Variants in TRDN observed in about 807,000 individuals in gnomAD.
TRDN encodes triadin, also known as triadin in skeletal muscle.
TRDN carries 161 observed loss-of-function variants against 149.7 expected under a neutral mutation model. That is an observed-to-expected ratio of 1.08 (90% CI 0.95 to 1.23). The LOEUF (loss-of-function observed/expected upper bound fraction) is 1.23. Ranked by LOEUF, TRDN falls within the 50% of genes most tolerant of loss-of-function variation. The pLI is 0.00. For missense variants in TRDN, 896 were observed against 823.5 expected, an observed-to-expected ratio of 1.09 and a Z score of -1.08; for synonymous variants, 294 against 250.5, an observed-to-expected ratio of 1.17 and a Z score of -1.64.
chr6:123,374,605 C>T (rs915800333), intron 19 of TRDN, among the ~76,000 whole-genome samples: 16 of 151,918 alleles, frequency 1.1e-4, no homozygotes, highest in African/African-American at 3.9e-4. Context: ...TATCAAGCTA[C>T]TCAATATATT....
chr6:123,614,433 C>T (rs1784984676), intron 1 of TRDN, among the ~76,000 whole-genome samples: 1 of 150,774 alleles, frequency 6.6e-6, no homozygotes, highest in Admixed American at 6.6e-5. Flanking sequence ...AAACTAGCTA[C>T]TGACTTTAAG....
Position 123,616,392 on chromosome 6 carries a change from CAA to C in TRDN, c.22+20360_22+20361del, listed in dbSNP as rs71856854. On this transcript the variant is annotated intron_variant, in intron 1 of 40. Transcript: ENST00000334268. ...TTACATTATTTATAAAGCAGGTTTGCAAAAAAAAAAAAATCAAATGTTTTCTT... is the reference window on the plus strand; with the variant it reads ...TTACATTATTTATAAAGCAGGTTTGCAAAAAAAAAAATCAAATGTTTTCTT... Among the ~76,000 whole-genome samples the C allele has an allele frequency of 3.5e-3, 472 of 135,356 alleles. 2 individuals carry two copies. Among genetic ancestry groups the C allele is most frequent in the African/African-American group, 0.011 (416 of 38,132 alleles). 88.8% of individuals were successfully genotyped at this position (135,356 alleles called of 152,430 possible). A position where few individuals can be genotyped will look rare whatever the true frequency, so the allele number is the denominator to read the frequency against.
At chr6:123,401,190 T>C (rs1410739730) in intron 12 of TRDN, among the ~76,000 whole-genome samples, 1 of 152,196 alleles carries the variant, frequency 6.6e-6, no homozygotes, top group East Asian at 1.9e-4. Flanking sequence ...TCTAAAGATG[T>C]TATAATCATA....
At chr6:123,399,116 T>G (rs982691907) in intron 12 of TRDN, among the ~76,000 whole-genome samples, 1 of 152,198 alleles carries the variant, frequency 6.6e-6, no homozygotes, top group African/African-American at 2.4e-5. Context: ...ATCGCTTCCA[T>G]TTAACTCATC....
rs138912040 is a variant in TRDN, at chr6:123,503,762, C to A, written c.750G>T (p.Lys250Asn). 6.2e-7 allele frequency: 1 copy of A among 1,613,640 alleles called. No individual in the cohort carries two copies. Among genetic ancestry groups the A allele is most frequent in the Non-Finnish European group, 8.5e-7 (1 of 1,179,776 alleles). The change falls in exon 8 of 41, where the codon AAG becomes AAT. Residue 250 changes from lysine (K) to asparagine (N), a missense_variant. By Grantham distance (94) the Lys-to-Asn change is moderately conservative. Transcript: ENST00000334268. ...VQKTPSKPKE[K>N]EDKEKAAVSK... ...ACACAGCTGCTTTCTCTTTGTCCTC[C>A]TTTTCTTTGGGTTTTGATGGTGTTT...
chr6:123,480,230 C>T (rs185796354), intron 9 of TRDN, among the ~76,000 whole-genome samples: 35 of 139,390 alleles, frequency 2.5e-4, no homozygotes, highest in African/African-American at 8.8e-4. Context: ...ACTTTCATAA[C>T]AGAGTGACAC....
chr6:123,351,155 A>G (rs1288435267), intron 21 of TRDN: 1 of 984,430 alleles, frequency 1.0e-6, no homozygotes, highest in African/African-American at 1.7e-5. Context: ...ATAAAACTCA[A>G]TGAAATCAAA....
chr6:123,426,083 T>C (rs1031709132), intron 12 of TRDN, among the ~76,000 whole-genome samples: 5 of 152,052 alleles, frequency 3.3e-5, no homozygotes, highest in African/African-American at 1.2e-4. Context: ...GGATTTTTCA[T>C]AGAAGTATGA....
chr6:123,411,335 G>A lies in TRDN; in HGVS notation c.1052-17658C>T, dbSNP rs148377825. On this transcript the variant is annotated intron_variant, in intron 12 of 40. Transcript: ENST00000334268. ...GCTGGGATTAGAAGCATGAGCCACC[G>A]CACCCAGCCTGAATAACTACTTTCT... Among the ~76,000 whole-genome samples the A allele has an allele frequency of 5.7e-3, 872 of 152,124 alleles. 10 individuals are homozygous for A. The highest frequency in any genetic ancestry group is 0.02 in the African/African-American group (816 of 41,508).
chr6:123,447,065 T>C (rs7760517), intron 10 of TRDN, among the ~76,000 whole-genome samples: 22,921 of 152,198 alleles, frequency 0.15, 2,462 homozygotes, highest in African/African-American at 0.31. Flanking sequence ...ACTTGAGTTA[T>C]GTGGCATAAC....
At chr6:123,307,012 G>A (rs1778635592) in intron 24 of TRDN, among the ~76,000 whole-genome samples, 1 of 152,078 alleles carries the variant, frequency 6.6e-6, no homozygotes, top group African/African-American at 2.4e-5. Context: ...TTTAACCGTT[G>A]CTGGTTAAAT....
intron 9 of TRDN, among the ~76,000 whole-genome samples, chr6:123,479,031 T>C (rs1777625631): frequency 6.6e-6 from 1 of 152,184 alleles, no homozygotes; most frequent in South Asian, 2.1e-4. Context: ...AAGAGCATTA[T>C]TAAAAGTGAA....
intron 4 of TRDN, among the ~76,000 whole-genome samples, chr6:123,541,649 A>G (rs1220397569): frequency 2.0e-5 from 3 of 152,132 alleles, no homozygotes; most frequent in African/African-American, 7.2e-5. Flanking sequence ...AGTTATGGAG[A>G]TGAGCTTTGA....
At chr6:123,323,212 A>G (rs973495334) in intron 23 of TRDN, among the ~76,000 whole-genome samples, 19 of 152,110 alleles carry the variant, frequency 1.2e-4, no homozygotes, top group Non-Finnish European at 2.8e-4. Flanking sequence ...ATTAGAACTG[A>G]CTCACTAGAC....
At chr6:123,479,762 A>C (rs1179464919) in intron 9 of TRDN, among the ~76,000 whole-genome samples, 1 of 152,192 alleles carries the variant, frequency 6.6e-6, no homozygotes, top group Non-Finnish European at 1.5e-5. Flanking sequence ...AAAGTGCAAA[A>C]CAATTTCAAT....
rs74414725 is a variant in TRDN at position 123,412,586 on chromosome 6, G to A, written c.1052-18909C>T. ...AATTTCATTGTGGTATAGCTGCCTGGTGAGATTATGAATACTCTTCTGGGT... is the reference window on the plus strand; with the variant it reads ...AATTTCATTGTGGTATAGCTGCCTGATGAGATTATGAATACTCTTCTGGGT... On this transcript the variant is annotated intron_variant, in intron 12 of 40. Coordinates refer to ENST00000334268, the MANE Select transcript of TRDN (RefSeq NM_006073.4). Among the ~76,000 whole-genome samples the A allele has an allele frequency of 3.1e-3, 467 of 152,210 alleles. 14 individuals carry two copies. In the East Asian group the frequency reaches 0.076, roughly 25 times the overall value.
intron 1 of TRDN, among the ~76,000 whole-genome samples, chr6:123,597,891 T>C (rs116826148): frequency 1.3e-3 from 192 of 152,274 alleles, no homozygotes; most frequent in African/African-American, 4.5e-3. Flanking sequence ...TTTAATGAGA[T>C]AATGGCTTTA....
At chr6:123,479,659 C>T (rs1194298545) in intron 9 of TRDN, among the ~76,000 whole-genome samples, 2 of 152,104 alleles carry the variant, frequency 1.3e-5, no homozygotes. Context: ...TGCTCTTATA[C>T]AACAGTATCC....
chr6:123,445,108 C>A (rs899405501), intron 10 of TRDN: 4 of 151,306 alleles, frequency 2.6e-5, no homozygotes, highest in African/African-American at 4.9e-5. Flanking sequence ...CCAGTTCCTC[C>A]TTGTACCTCT....
Sources: allele counts gnomAD v4.1 joint callset (sites outside exome capture counted in the v4.1 genomes callset), GRCh38; gene constraint gnomAD v4.1.1; transcripts MANE v1.5; gene names NCBI Gene and HGNC (gene_info 2026-07-23, HGNC 2026-07-21).